Variants in SH3GL3 observed in about 807,000 individuals in gnomAD.
The protein encoded by SH3GL3 is endophilin-A3.
SH3GL3 carries 33 observed loss-of-function variants against 47.7 expected under a neutral mutation model. The observed-to-expected ratio is 0.69, with a 90% CI of 0.52 to 0.92. The LOEUF is 0.92. Ranked by LOEUF, SH3GL3 falls within the 40% of genes least tolerant of loss-of-function variation. The pLI is 0.00. For synonymous variants in SH3GL3, 155 were observed against 148.8 expected, an observed-to-expected ratio of 1.04 and a Z score of -0.30; for missense variants, 363 against 417.8, an observed-to-expected ratio of 0.87 and a Z score of 1.14.
At chr15:83,507,199 A>C (rs552654893) in intron 1 of SH3GL3, among the ~76,000 whole-genome samples, 1 of 151,690 alleles carries the variant, frequency 6.6e-6, no homozygotes, top group Non-Finnish European at 1.5e-5. Context: ...TAGTAGAGAC[A>C]GGGTTTCACC....
chr15:83,627,421 A>G, the SH3GL3 span, among the ~76,000 whole-genome samples: 1 of 151,960 alleles, frequency 6.6e-6, no homozygotes, highest in Non-Finnish European at 1.5e-5. Context: ...AAAGAAAAGA[A>G]AAGGGATGTT....
intron 8 of SH3GL3, among the ~76,000 whole-genome samples, chr15:83,606,527 T>C (rs1340040163): frequency 6.6e-6 from 1 of 152,212 alleles, no homozygotes; most frequent in Non-Finnish European, 1.5e-5. Flanking sequence ...GGTCAGCAGG[T>C]TGTTTCTTAC....
At chr15:83,606,028 C>G (rs977765183) in intron 8 of SH3GL3, among the ~76,000 whole-genome samples, 1 of 151,524 alleles carries the variant, frequency 6.6e-6, no homozygotes, top group African/African-American at 2.4e-5. Flanking sequence ...TGTATTTTAT[C>G]AACTCATTTT....
rs2732152 is a variant in SH3GL3 at position 83,541,301 on chromosome 15, A to C, written c.46-17952A>C. Among the ~76,000 whole-genome samples the C allele has an allele frequency of 1.5e-3, 193 of 130,438 alleles. 2 individuals carry two copies. Among genetic ancestry groups the C allele is most frequent in the Middle Eastern group, 0.015 (3 of 204 alleles). The allele number at this position is 130,438 out of a possible 152,430, so 85.6% of individuals were successfully genotyped here. On this transcript the variant is annotated intron_variant, in intron 1 of 8. Transcript: ENST00000427482. ...CCTAGCAGTGGGATGGCTGGATCAT[A>C]TGGTAATTCTATTTTTTTTTTTTTT... is the stretch of plus-strand genomic sequence containing the variant.
intron 8 of SH3GL3, among the ~76,000 whole-genome samples, chr15:83,607,569 G>C (rs2060551273): frequency 6.6e-6 from 1 of 152,168 alleles, no homozygotes. Context: ...TTTCTGAAGG[G>C]GGTGGCCGAT....
intron 1 of SH3GL3, among the ~76,000 whole-genome samples, chr15:83,456,599 G>A (rs1364750025): frequency 8.0e-6 from 1 of 125,130 alleles, no homozygotes; most frequent in Non-Finnish European, 1.7e-5. Flanking sequence ...CCCTTTCTTT[G>A]ACTCGGAAAG....
intron 1 of SH3GL3, among the ~76,000 whole-genome samples, chr15:83,479,081 C>T (rs541645527): frequency 2.0e-5 from 3 of 152,266 alleles, no homozygotes; most frequent in South Asian, 2.1e-4. Flanking sequence ...CACACATTTC[C>T]GTCGTACGGC....
chr15:83,506,289 C>T (rs757144160), intron 1 of SH3GL3, among the ~76,000 whole-genome samples: 2 of 151,422 alleles, frequency 1.3e-5, no homozygotes, highest in Non-Finnish European at 2.9e-5. Flanking sequence ...ATTTTTTTTC[C>T]CTGAATGTGA....
chr15:83,588,992 A>G (rs6602982), intron 8 of SH3GL3, among the ~76,000 whole-genome samples: 70,088 of 151,976 alleles, frequency 0.46, 16,760 homozygotes, highest in Non-Finnish European at 0.5. Flanking sequence ...CCTTGGCCAT[A>G]GAACCATTAT....
downstream of SH3GL3, among the ~76,000 whole-genome samples, chr15:83,622,376 G>A (rs910687709): frequency 7.9e-5 from 12 of 152,190 alleles, no homozygotes; most frequent in Admixed American, 7.9e-4. Context: ...TTCTCTAGAT[G>A]TCACATTAGG....
At chr15:83,623,222 T>C (rs2060919747), downstream of SH3GL3, among the ~76,000 whole-genome samples, 2 of 152,196 alleles carry the variant, frequency 1.3e-5, no homozygotes, top group African/African-American at 4.8e-5. Context: ...TTCAATTATG[T>C]ATTGCCACAT....
chr15:83,592,945 A>G (rs1373259051), intron 8 of SH3GL3, among the ~76,000 whole-genome samples: 4 of 152,348 alleles, frequency 2.6e-5, no homozygotes, highest in African/African-American at 9.6e-5. Context: ...AACAAAAAAA[A>G]AACAGTTCTG....
intron 1 of SH3GL3, among the ~76,000 whole-genome samples, chr15:83,509,718 C>T (rs1219676658): frequency 6.6e-6 from 1 of 152,104 alleles, no homozygotes; most frequent in East Asian, 1.9e-4. Context: ...TTTATGACGC[C>T]TCCCTAATTA....
At chr15:83,501,253 G>T (rs931277364) in intron 1 of SH3GL3, among the ~76,000 whole-genome samples, 3 of 152,066 alleles carry the variant, frequency 2.0e-5, no homozygotes, top group East Asian at 3.9e-4. Flanking sequence ...ATTATTGTCT[G>T]GAAAAACTGT....
At chr15:83,533,792 T>C (rs2043787553) in intron 1 of SH3GL3, among the ~76,000 whole-genome samples, 1 of 152,198 alleles carries the variant, frequency 6.6e-6, no homozygotes, top group African/African-American at 2.4e-5. Flanking sequence ...GCAGTATGGC[T>C]TTGATCTCTC....
intron 1 of SH3GL3, among the ~76,000 whole-genome samples, chr15:83,510,659 A>T (rs1342543025): frequency 1.3e-5 from 2 of 152,080 alleles, no homozygotes; most frequent in African/African-American, 4.8e-5. Flanking sequence ...AAATATAAAT[A>T]TTTTATGGAA....
chr15:83,491,047 T>A, intron 1 of SH3GL3: 1 of 1,406,048 alleles, frequency 7.1e-7, no homozygotes, highest in South Asian at 1.4e-5. Context: ...CAAGGAGTGA[T>A]GATTGACAAA....
At chr15:83,621,498 T>C (rs889093081), downstream of SH3GL3, among the ~76,000 whole-genome samples, 2 of 152,176 alleles carry the variant, frequency 1.3e-5, no homozygotes, top group South Asian at 2.1e-4. Flanking sequence ...CACCATCTTA[T>C]ATAGGCATTG....
chr15:83,587,692 A>G (rs914977994), intron 7 of SH3GL3, among the ~76,000 whole-genome samples: 2 of 152,336 alleles, frequency 1.3e-5, no homozygotes, highest in East Asian at 3.9e-4. Context: ...CTTCTGAACA[A>G]TCAAAGAAAG....
Sources: gnomAD v4.1 joint callset for allele counts (sites outside exome capture counted in the v4.1 genomes callset) on GRCh38, gnomAD v4.1.1 for gene constraint, MANE v1.5 for transcripts, NCBI Gene and HGNC (gene_info 2026-07-23, HGNC 2026-07-21) for gene names.